The following TNNI3K variants were observed in gnomAD, a reference collection of about 807,000 sequenced individuals.
TNNI3K encodes TNNI3 interacting kinase, also known as serine/threonine-protein kinase TNNI3K.
A neutral mutation model predicts 114.5 loss-of-function variants in TNNI3K; 140 were observed. That is an observed-to-expected ratio of 1.22 (90% confidence interval 1.07 to 1.41). The LOEUF (loss-of-function observed/expected upper bound fraction) is 1.41. TNNI3K is among the 40% of genes most tolerant of loss of function. The pLI is 0.00. For synonymous variants in TNNI3K, 347 were observed against 347.5 expected (o/e 1.00, Z 0.02); for missense variants, 1,125 against 1,007.6 (o/e 1.12, Z -1.58).
chr1:74,255,768 C>T (rs1219418199), intron 4 of TNNI3K, among the ~76,000 whole-genome samples: 2 of 152,210 alleles, frequency 1.3e-5, no homozygotes, highest in East Asian at 1.9e-4. Context: ...AAAGTTCCCT[C>T]ATGCCATTTT....
chr1:74,378,631 T>C (rs1163350926), intron 17 of TNNI3K: 1 of 106,630 alleles, frequency 9.4e-6, no homozygotes, highest in Non-Finnish European at 2.0e-5. Flanking sequence ...TATATATATA[T>C]ATATATATAT....
chr1:74,274,047 C>G lies in TNNI3K; in HGVS notation c.444+2339C>G, dbSNP rs185779061. Among the ~76,000 whole-genome samples the G allele has an allele frequency of 1.3e-4, 19 of 151,776 alleles. No homozygotes were observed. The East Asian group carries it at 3.5e-3, about 28-fold the overall frequency. ...AAATCTATATATACATTTTGACTACCCTAAAACTTAATTATTTATAGCCTA... is the reference window on the plus strand; with the variant it reads ...AAATCTATATATACATTTTGACTACGCTAAAACTTAATTATTTATAGCCTA... On this transcript the variant is annotated intron_variant, in intron 5 of 24. Transcript: ENST00000326637.
chr1:74,278,561 A>AT (rs1398903245), intron 5 of TNNI3K, among the ~76,000 whole-genome samples: 7 of 152,128 alleles, frequency 4.6e-5, no homozygotes, highest in African/African-American at 1.7e-4. Flanking sequence ...GGGCTGTATA[A>AT]TTTTTCTCTA....
At chr1:74,374,067 C>T (rs780229117) in intron 17 of TNNI3K, 4 of 151,822 alleles carry the variant, frequency 2.6e-5, no homozygotes, top group Non-Finnish European at 2.9e-5. Flanking sequence ...AATGTAAATG[C>T]TCTGTAAATA....
intron 4 of TNNI3K, among the ~76,000 whole-genome samples, chr1:74,266,873 A>G (rs1656026434): frequency 6.6e-6 from 1 of 152,114 alleles, no homozygotes; most frequent in East Asian, 1.9e-4. Flanking sequence ...TGGGAGATCT[A>G]TTCTACCTCA....
intron 23 of TNNI3K, among the ~76,000 whole-genome samples, chr1:74,525,827 G>A (rs1646497172): frequency 6.6e-6 from 1 of 152,150 alleles, no homozygotes; most frequent in Non-Finnish European, 1.5e-5. Context: ...GTTGCCCCAG[G>A]ATTCAAAGAG....
At chr1:74,485,577 C>A (rs1668716132) in intron 21 of TNNI3K, among the ~76,000 whole-genome samples, 1 of 152,096 alleles carries the variant, frequency 6.6e-6, no homozygotes, top group South Asian at 2.1e-4. Context: ...GTGGGCAGAA[C>A]CTGTGAATAT....
intron 5 of TNNI3K, among the ~76,000 whole-genome samples, chr1:74,280,384 A>G (rs1656937270): frequency 6.7e-6 from 1 of 148,368 alleles, no homozygotes; most frequent in Non-Finnish European, 1.5e-5. Flanking sequence ...TCCATCTCAA[A>G]AAAAAAATAA....
intron 23 of TNNI3K, among the ~76,000 whole-genome samples, chr1:74,504,566 A>T (rs886894741): frequency 2.6e-5 from 4 of 152,182 alleles, no homozygotes; most frequent in African/African-American, 4.8e-5. Context: ...TCAAAAGAGG[A>T]GGTGATGAAA....
chr1:74,271,775 G>A, intron 5 of TNNI3K, 67 bp downstream of exon 5: 2 of 1,327,072 alleles, frequency 1.5e-6, no homozygotes, highest in Non-Finnish European at 2.1e-6. Context: ...GTTCTTAACT[G>A]TTTTGAAATA....
intron 17 of TNNI3K, among the ~76,000 whole-genome samples, chr1:74,399,170 A>C (rs1190779542): frequency 1.1e-4 from 17 of 151,208 alleles, no homozygotes; most frequent in South Asian, 6.3e-4. Flanking sequence ...AAAAAAAAAA[A>C]AAAAAAAAAC....
chr1:74,425,509 A>G (rs1311962128), intron 17 of TNNI3K, among the ~76,000 whole-genome samples: 2 of 152,112 alleles, frequency 1.3e-5, no homozygotes, highest in Non-Finnish European at 2.9e-5. Context: ...ACTGCTAAAT[A>G]TAACCACCAC....
In TNNI3K at chr1:74,342,961, A is replaced by T; in HGVS notation, c.802A>T (p.Ile268Phe). 1 of 1,613,908 alleles carries T rather than the reference A, an allele frequency of 6.2e-7. No homozygotes were observed. Among genetic ancestry groups the T allele is most frequent in the Non-Finnish European group, 8.5e-7 (1 of 1,179,896 alleles). The change falls in exon 8 of 25, where the codon ATC (isoleucine) becomes TTC (phenylalanine). Residue 268 changes from isoleucine (I) to phenylalanine (F), a missense_variant. By Grantham distance (21) the Ile-to-Phe change is conservative. Coordinates refer to ENST00000326637, the MANE Select transcript of TNNI3K (RefSeq NM_015978.3). ...GGAAGTTCAACCTCATGTTGTTAATATCTATGGAGATACCCCCTTACACCT... is the reference window on the plus strand; with the variant it reads ...GGAAGTTCAACCTCATGTTGTTAATTTCTATGGAGATACCCCCTTACACCT... ...DLEVQPHVVN[I>F]YGDTPLHLAC...
chr1:74,428,912 C>T (rs1222273461), intron 17 of TNNI3K, among the ~76,000 whole-genome samples: 1 of 152,084 alleles, frequency 6.6e-6, no homozygotes, highest in Non-Finnish European at 1.5e-5. Context: ...TCCAGCACTC[C>T]AGCCTGGGCA....
At chr1:74,279,019 C>A (rs190772038) in intron 5 of TNNI3K, among the ~76,000 whole-genome samples, 20 of 152,294 alleles carry the variant, frequency 1.3e-4, no homozygotes, top group African/African-American at 3.4e-4. Context: ...AATGCAATTT[C>A]TTTCTACTAC....
intron 17 of TNNI3K, among the ~76,000 whole-genome samples, chr1:74,379,413 A>G (rs1328655522): frequency 6.6e-6 from 1 of 151,972 alleles, no homozygotes; most frequent in Non-Finnish European, 1.5e-5. Flanking sequence ...GTATTTAGAG[A>G]ACCTTGTACC....
At chr1:74,245,549 T>C (rs1305006819) in intron 2 of TNNI3K, among the ~76,000 whole-genome samples, 1 of 152,214 alleles carries the variant, frequency 6.6e-6, no homozygotes, top group East Asian at 1.9e-4. Context: ...TTTAGAGAGA[T>C]AGCATAGTAT....
Position 74,315,690 on chromosome 1 carries a change from GA to G in TNNI3K, c.445-15754del, listed in dbSNP as rs546007940. 1.0e-3 allele frequency among the ~76,000 whole-genome samples: 153 copies of G among 152,116 alleles called. 1 individual carries two copies. Among genetic ancestry groups the G allele is most frequent in the African/African-American group, 3.6e-3 (148 of 41,510 alleles). On this transcript the variant is annotated intron_variant, in intron 5 of 24. Coordinates refer to ENST00000326637, the MANE Select transcript of TNNI3K (RefSeq NM_015978.3). ...AGTCTTATTTCCCAAAAGACAGGGGGAAAAAATCTATCATCGATTCTCCTTT... is the reference window on the plus strand; with the variant it reads ...AGTCTTATTTCCCAAAAGACAGGGGGAAAAATCTATCATCGATTCTCCTTT...
At chr1:74,354,273 G>A (rs1661542966) in intron 11 of TNNI3K, 144 bp downstream of exon 11, 1 of 1,365,916 alleles carries the variant, frequency 7.3e-7, no homozygotes, top group African/African-American at 1.5e-5. Flanking sequence ...TGGGGCCTTG[G>A]ATCAAAGAGT....
Sources: gnomAD v4.1 joint callset for allele counts (sites outside exome capture counted in the v4.1 genomes callset) on GRCh38, gnomAD v4.1.1 for gene constraint, MANE v1.5 for transcripts, NCBI Gene and HGNC (gene_info 2026-07-23, HGNC 2026-07-21) for gene names.